The following TGFBR3 variants were observed in gnomAD, a reference collection of about 807,000 sequenced individuals.
TGFBR3 encodes the protein transforming growth factor beta receptor type 3.
A neutral mutation model predicts 87.9 loss-of-function variants in TGFBR3; 46 were observed. That is an observed-to-expected ratio of 0.52 (90% CI 0.41 to 0.67). The LOEUF is 0.67. TGFBR3 is among the 30% of genes least tolerant of loss of function. The pLI is 0.00. For missense variants in TGFBR3, 866 were observed against 1,041.9 expected (o/e 0.83, Z 2.32); for synonymous variants, 381 against 391.6 (o/e 0.97, Z 0.32).
chr1:91,681,813 A>G lies in TGFBR3; in HGVS notation c.*1926T>C. On this transcript the variant is annotated 3_prime_UTR_variant, in exon 17 of 17. Coordinates refer to ENST00000212355, the MANE Select transcript of TGFBR3 (RefSeq NM_003243.5). ...TTTTATACATAGAATATGCTGAAAC[A>G]ATACATTCCACCGAAGGTTAGGCAA... 1 of 453,048 alleles carries G rather than the reference A, an allele frequency of 2.2e-6. No homozygotes were observed. Among genetic ancestry groups the G allele is most frequent in the Non-Finnish European group, 4.4e-6 (1 of 226,558 alleles). The allele number at this position is 453,048 out of a possible 1,614,324, so 28.1% of individuals were successfully genotyped here. A position where few individuals can be genotyped will look rare whatever the true frequency, so the allele number is the denominator to read the frequency against.
intron 2 of TGFBR3, among the ~76,000 whole-genome samples, chr1:91,819,700 C>T (rs1676376351): frequency 1.3e-5 from 2 of 152,300 alleles, no homozygotes; most frequent in Middle Eastern, 3.4e-3. Context: ...ATGAATCACA[C>T]CTCCAAGTCC....
Position 91,721,302 on chromosome 1 carries a change from T to C in TGFBR3, c.1075+653A>G, listed in dbSNP as rs1473831122. 2.6e-5 allele frequency among the ~76,000 whole-genome samples: 4 copies of C among 152,120 alleles called. 1 individual carries two copies. On this transcript the variant is annotated intron_variant, in intron 8 of 16. Coordinates refer to ENST00000212355, the MANE Select transcript of TGFBR3 (RefSeq NM_003243.5). ...TTTTCCCCTTATTACTGAAGAAAAATCTGTGGCTCAGAGGTGAAGCAACTT... is the reference window on the plus strand; with the variant it reads ...TTTTCCCCTTATTACTGAAGAAAAACCTGTGGCTCAGAGGTGAAGCAACTT...
rs530565616 is a variant in TGFBR3 at position 91,764,650 on chromosome 1, C to T, written c.247-5900G>A. On this transcript the variant is annotated intron_variant, in intron 3 of 16. Transcript: ENST00000212355. ...TTCGGGTGGAGGAACGCTGCTAGTG[C>T]CCTCAGCAGGCCACTACTGATGCAA... is the stretch of plus-strand genomic sequence containing the variant. Among the ~76,000 whole-genome samples the T allele has an allele frequency of 3.7e-4, 56 of 152,236 alleles. No individual in the cohort carries two copies. In the South Asian group the frequency reaches 0.011, roughly 30 times the overall value.
chr1:91,819,749 C>A (rs1676378199), intron 2 of TGFBR3, among the ~76,000 whole-genome samples: 1 of 152,218 alleles, frequency 6.6e-6, no homozygotes, highest in Non-Finnish European at 1.5e-5. Context: ...CCTCCCTCCC[C>A]TAAATCCACA....
intron 2 of TGFBR3, among the ~76,000 whole-genome samples, chr1:91,798,991 C>A (rs1015822508): frequency 6.6e-6 from 1 of 152,204 alleles, no homozygotes; most frequent in Non-Finnish European, 1.5e-5. Flanking sequence ...GAGCTTGGTG[C>A]TATTGTCTCC....
chr1:91,715,227 A>G (rs934729092), intron 12 of TGFBR3, among the ~76,000 whole-genome samples: 4 of 152,230 alleles, frequency 2.6e-5, no homozygotes, highest in African/African-American at 9.6e-5. Context: ...TCCTGGTGCC[A>G]TAAGGACATT....
At chr1:91,726,526 T>TA (rs397861947) in intron 7 of TGFBR3, among the ~76,000 whole-genome samples, 5,281 of 135,976 alleles carry the variant, frequency 0.039, 130 homozygotes, top group African/African-American at 0.061. Context: ...AGCAAAGTTA[T>TA]AAAAAAAAAA....
rs1295008864 is a variant in TGFBR3, at chr1:91,719,591, C to T, written c.1414-127G>A. 7 of 1,203,112 alleles carry T rather than the reference C, an allele frequency of 5.8e-6. No individual in the cohort carries two copies. In the African/African-American group the frequency reaches 9.0e-5, roughly 16 times the overall value. The allele number at this position is 1,203,112 out of a possible 1,614,324, so 74.5% of individuals were successfully genotyped here. A position where few individuals can be genotyped will look rare whatever the true frequency, so the allele number is the denominator to read the frequency against. Reference sequence around the variant, plus strand: ...GAGAGGCCTGCATCGTGCCCCTTCCCCAAGTATCTCTTCCCAGCTGCCCAC... The same window carrying T: ...GAGAGGCCTGCATCGTGCCCCTTCCTCAAGTATCTCTTCCCAGCTGCCCAC... On this transcript the variant is annotated intron_variant, in intron 9 of 16. Coordinates refer to ENST00000212355, the MANE Select transcript of TGFBR3 (RefSeq NM_003243.5).
intron 2 of TGFBR3, among the ~76,000 whole-genome samples, chr1:91,828,056 G>A (rs1353154984): frequency 2.0e-5 from 3 of 152,106 alleles, no homozygotes; most frequent in Non-Finnish European, 2.9e-5. Flanking sequence ...CCAGGGTACC[G>A]GCTCTTCAGA....
intron 3 of TGFBR3, among the ~76,000 whole-genome samples, chr1:91,780,347 G>A (rs1328553659): frequency 6.6e-6 from 1 of 152,036 alleles, no homozygotes; most frequent in Non-Finnish European, 1.5e-5. Context: ...CTGTAACCCT[G>A]GTAATCTGGT....
chr1:91,839,023 G>C (rs1261102489), intron 2 of TGFBR3, among the ~76,000 whole-genome samples: 1 of 152,098 alleles, frequency 6.6e-6, no homozygotes, highest in Admixed American at 6.5e-5. Context: ...TGTCACCCAG[G>C]CTAGAGTGCA....
chr1:91,695,543 T>C (rs1316175756), intron 16 of TGFBR3, 129 bp downstream of exon 16: 2 of 836,488 alleles, frequency 2.4e-6, no homozygotes, highest in Non-Finnish European at 4.0e-6. Context: ...ATACCAAATA[T>C]GTAAATGTAA....
chr1:91,749,054 C>T (rs938442179), intron 4 of TGFBR3, among the ~76,000 whole-genome samples: 5 of 152,180 alleles, frequency 3.3e-5, no homozygotes, highest in Admixed American at 2.6e-4. Context: ...TGACAGGCCA[C>T]GAGTCATTCC....
In TGFBR3 at chr1:91,797,387, A is replaced by G. The variant is rs1675432309; in HGVS notation, c.146T>C (p.Leu49Ser). ...TGTGCCTCTGCTGGCACAGCCTGAC[A>G]AAACAGTGAAGCTCTCCATCAAGGC... is the stretch of plus-strand genomic sequence containing the variant. ...VQALMESFTV[L>S]SGCASRGTTG... Residue 49 changes from leucine (L) to serine (S), a missense_variant, in exon 3 of 17, where the codon TTG becomes TCG. Transcript: ENST00000212355. 1 of 1,614,138 alleles carries G rather than the reference A, an allele frequency of 6.2e-7. No homozygotes were observed. Among genetic ancestry groups the G allele is most frequent in the African/African-American group, 1.3e-5 (1 of 74,950 alleles).
chr1:91,699,959 T>C (rs907848401), intron 14 of TGFBR3, among the ~76,000 whole-genome samples: 7 of 152,240 alleles, frequency 4.6e-5, no homozygotes, highest in South Asian at 2.1e-4. Context: ...ATGAATTTTA[T>C]ATTTTGAAAT....
chr1:91,900,707 G>A (rs1337693024), intron 1 of TGFBR3, among the ~76,000 whole-genome samples: 2 of 152,148 alleles, frequency 1.3e-5, no homozygotes, highest in Admixed American at 1.3e-4. Flanking sequence ...AATCCACAAG[G>A]TGGTCCAACA....
At chr1:91,808,669 T>C (rs1188617591) in intron 2 of TGFBR3, among the ~76,000 whole-genome samples, 1 of 152,146 alleles carries the variant, frequency 6.6e-6, no homozygotes, top group Admixed American at 6.5e-5. Flanking sequence ...TTTCACCATG[T>C]TGGCCAGGCT....
intron 2 of TGFBR3, chr1:91,800,842 CA>C (rs1675596496): frequency 6.2e-6 from 1 of 162,472 alleles, no homozygotes; most frequent in Admixed American, 6.3e-5. Flanking sequence ...CCCAGCACTT[CA>C]GGAGGCCGAA....
intron 2 of TGFBR3, among the ~76,000 whole-genome samples, chr1:91,829,103 C>T (rs2256471): frequency 0.11 from 17,400 of 151,980 alleles, 1,271 homozygotes; most frequent in East Asian, 0.38. Context: ...TGGCTGGGCA[C>T]GATGGCTCAC....
Sources: allele counts gnomAD v4.1 joint callset (sites outside exome capture counted in the v4.1 genomes callset), GRCh38; gene constraint gnomAD v4.1.1; transcripts MANE v1.5; gene names NCBI Gene and HGNC (gene_info 2026-07-23, HGNC 2026-07-21).